Variants in AUTS2 observed in about 807,000 individuals in gnomAD.
AUTS2 encodes activator of transcription and developmental regulator AUTS2, also known as autism susceptibility gene 2 protein.
A neutral mutation model predicts 112.4 loss-of-function variants in AUTS2; 17 were observed. That is an observed-to-expected ratio of 0.15 (90% confidence interval 0.10 to 0.23). The LOEUF is 0.23. Ranked by LOEUF, AUTS2 falls within the 10% of genes least tolerant of loss-of-function variation. AUTS2 has a pLI of 1.00. For missense variants in AUTS2, 1,510 were observed against 1,701.6 expected (o/e 0.89, Z 1.98); for synonymous variants, 751 against 702.7 (o/e 1.07, Z -1.09).
intron 4 of AUTS2, among the ~76,000 whole-genome samples, chr7:70,174,745 T>G (rs901743237): frequency 6.6e-6 from 1 of 152,332 alleles, no homozygotes; most frequent in African/African-American, 2.4e-5. Flanking sequence ...CACATCTGTT[T>G]ACGACATGGT....
chr7:70,530,565 G>A (rs746043742), intron 5 of AUTS2, among the ~76,000 whole-genome samples: 5 of 152,112 alleles, frequency 3.3e-5, no homozygotes, highest in South Asian at 2.1e-4. Context: ...TAGCAGAGCC[G>A]ACAAGGGTTT....
chr7:70,585,718 C>A (rs1802651151), intron 5 of AUTS2, among the ~76,000 whole-genome samples: 1 of 152,150 alleles, frequency 6.6e-6, no homozygotes, highest in African/African-American at 2.4e-5. Flanking sequence ...CTCGCTATTA[C>A]CCACAATCTA....
At chr7:70,450,589 A>G (rs1796490614) in intron 5 of AUTS2, among the ~76,000 whole-genome samples, 1 of 152,210 alleles carries the variant, frequency 6.6e-6, no homozygotes, top group Admixed American at 6.5e-5. Flanking sequence ...ACACAGTTCC[A>G]TAAAAACAGG....
rs189719572 is a variant in AUTS2, at chr7:69,700,620, A to C, written c.309+100658A>C. ...TTCTGACTAGCCTCCATTATGAGGC[A>C]TATAATTCAGAGCCCATCTTCCATT... On this transcript the variant is annotated intron_variant, in intron 1 of 18. Transcript: ENST00000342771. Among the ~76,000 whole-genome samples the C allele has an allele frequency of 1.4e-4, 21 of 152,356 alleles. No homozygotes were observed. The East Asian group carries it at 4.0e-3, about 29-fold the overall frequency.
In AUTS2 at chr7:70,701,961, A is replaced by G. The variant is rs149756710; in HGVS notation, c.742+3341A>G. ...ATGCTATAGGAGCAACAGGACCTGT[A>G]CCCCAAATTCTGGGGTATTTATTCT... is the stretch of plus-strand genomic sequence containing the variant. On this transcript the variant is annotated intron_variant, in intron 6 of 18. Coordinates refer to ENST00000342771, the MANE Select transcript of AUTS2 (RefSeq NM_015570.4). Among the ~76,000 whole-genome samples the G allele has an allele frequency of 5.2e-4, 79 of 152,264 alleles. 1 individual carries two copies. The East Asian group carries it at 0.014, about 27-fold the overall frequency.
chr7:69,988,195 C>T (rs1798591334), intron 2 of AUTS2, among the ~76,000 whole-genome samples: 1 of 152,212 alleles, frequency 6.6e-6, no homozygotes, highest in East Asian at 1.9e-4. Context: ...AATGTATCAT[C>T]TAACAGTCTT....
intron 4 of AUTS2, among the ~76,000 whole-genome samples, chr7:70,148,622 G>A (rs1442354627): frequency 6.6e-6 from 1 of 151,450 alleles, no homozygotes; most frequent in Non-Finnish European, 1.5e-5. Flanking sequence ...AGTACCTGGT[G>A]CAGTTTTTTT....
At chr7:70,380,878 C>A (rs191097214) in intron 4 of AUTS2, among the ~76,000 whole-genome samples, 76 of 152,320 alleles carry the variant, frequency 5.0e-4, no homozygotes, top group African/African-American at 1.7e-3. Context: ...TGAAATAGAA[C>A]AGCCTGTTTT....
intron 4 of AUTS2, among the ~76,000 whole-genome samples, chr7:70,319,247 G>A (rs1790138832): frequency 6.6e-6 from 1 of 152,184 alleles, no homozygotes; most frequent in African/African-American, 2.4e-5. Flanking sequence ...ACAGAAGATA[G>A]CTTTAATCTT....
chr7:70,165,754 A>T (rs1436286295), intron 4 of AUTS2, among the ~76,000 whole-genome samples: 1 of 152,218 alleles, frequency 6.6e-6, no homozygotes, highest in Admixed American at 6.5e-5. Context: ...CCAGAAATAT[A>T]AAAATATGAA....
At chr7:69,913,357 A>G (rs1156668665) in intron 2 of AUTS2, among the ~76,000 whole-genome samples, 1 of 152,214 alleles carries the variant, frequency 6.6e-6, no homozygotes. Context: ...AACCATTAAT[A>G]ATTACCTTGG....
chr7:70,711,130 C>T (rs1361330595), intron 6 of AUTS2, among the ~76,000 whole-genome samples: 2 of 152,190 alleles, frequency 1.3e-5, no homozygotes, highest in African/African-American at 4.8e-5. Context: ...GGCCTCACCC[C>T]CCCAGAGCAC....
intron 5 of AUTS2, among the ~76,000 whole-genome samples, chr7:70,515,011 C>T (rs1451402486): frequency 1.3e-5 from 2 of 151,964 alleles, no homozygotes; most frequent in African/African-American, 2.4e-5. Flanking sequence ...TCTTTATATA[C>T]TCTGGATACT....
At chr7:69,731,401 C>G (rs578111887) in intron 1 of AUTS2, among the ~76,000 whole-genome samples, 1 of 152,114 alleles carries the variant, frequency 6.6e-6, no homozygotes, top group East Asian at 1.9e-4. Context: ...AATTTTAGCT[C>G]TCTAAACTCA....
At chr7:70,296,468 T>TA (rs1294406489) in intron 4 of AUTS2, among the ~76,000 whole-genome samples, 4 of 152,230 alleles carry the variant, frequency 2.6e-5, no homozygotes, top group African/African-American at 9.6e-5. Context: ...TTTGAGTAGA[T>TA]ATCAAATATA....
chr7:69,790,674 G>A (rs1202421030), intron 1 of AUTS2, among the ~76,000 whole-genome samples: 1 of 152,198 alleles, frequency 6.6e-6, no homozygotes, highest in East Asian at 1.9e-4. Context: ...AAGTGCCTTG[G>A]CACATAGCAA....
At chr7:70,640,726 T>C (rs1805783794) in intron 5 of AUTS2, among the ~76,000 whole-genome samples, 4 of 152,180 alleles carry the variant, frequency 2.6e-5, no homozygotes. Flanking sequence ...ACTTTTCCAC[T>C]GGTCACAATG....
intron 4 of AUTS2, among the ~76,000 whole-genome samples, chr7:70,134,962 C>T (rs1806473405): frequency 6.6e-6 from 1 of 152,118 alleles, no homozygotes; most frequent in Non-Finnish European, 1.5e-5. Flanking sequence ...AACATCTCTT[C>T]ATATACAATG....
intron 2 of AUTS2, among the ~76,000 whole-genome samples, chr7:70,006,897 T>C (rs1377860963): frequency 6.6e-6 from 1 of 152,186 alleles, no homozygotes; most frequent in Non-Finnish European, 1.5e-5. Context: ...GGGAGTACCT[T>C]TGCTTCCATA....
Sources: gnomAD v4.1 joint callset for allele counts (sites outside exome capture counted in the v4.1 genomes callset) on GRCh38, gnomAD v4.1.1 for gene constraint, MANE v1.5 for transcripts, NCBI Gene and HGNC (gene_info 2026-07-23, HGNC 2026-07-21) for gene names.